Variants in FAM163A observed in about 807,000 individuals in gnomAD.
The protein encoded by FAM163A is family with sequence similarity 163 member A.
FAM163A carries 7 observed loss-of-function variants against 12.0 expected under a neutral mutation model. The ratio of observed to expected loss-of-function variants is 0.58; its 90% confidence interval spans 0.33 to 1.10. FAM163A has a LOEUF of 1.10. Ranked by LOEUF, FAM163A falls within the 50% of genes least tolerant of loss-of-function variation. The pLI, the probability that FAM163A is intolerant of heterozygous loss-of-function variation, is 0.03. For synonymous variants in FAM163A, 101 were observed against 91.0 expected (o/e 1.11, Z -0.62); for missense variants, 202 against 218.6 (o/e 0.92, Z 0.48).
At chr1:179,774,213 TC>T (rs1276920196) in intron 1 of FAM163A, among the ~76,000 whole-genome samples, 1 of 152,164 alleles carries the variant, frequency 6.6e-6, no homozygotes, top group African/African-American at 2.4e-5. Flanking sequence ...CCTGAGGCTT[TC>T]CCACAACAGC....
intron 2 of FAM163A, among the ~76,000 whole-genome samples, chr1:179,809,788 C>T (rs1694452026): frequency 6.6e-6 from 1 of 152,184 alleles, no homozygotes; most frequent in Non-Finnish European, 1.5e-5. Flanking sequence ...AAGCAGCCCT[C>T]AGCGACGAAT....
At chr1:179,812,849 G>A (rs1467141648) in intron 3 of FAM163A, among the ~76,000 whole-genome samples, 2 of 152,174 alleles carry the variant, frequency 1.3e-5, no homozygotes, top group Admixed American at 6.5e-5. Flanking sequence ...GGGAAAGATC[G>A]TGAGAACTTT....
chr1:179,728,446 G>A, the FAM163A span, among the ~76,000 whole-genome samples: 2 of 152,112 alleles, frequency 1.3e-5, no homozygotes, highest in African/African-American at 2.4e-5. Context: ...AGAGTGCTTT[G>A]GGGGTGCTGC....
Position 179,743,437 on chromosome 1 carries a change from G to C in FAM163A, c.-136+14G>C, listed in dbSNP as rs1349085637. 1 of 152,310 alleles carries C rather than the reference G, an allele frequency of 6.6e-6. No homozygotes were observed. Among genetic ancestry groups the C allele is most frequent in the Non-Finnish European group, 1.5e-5 (1 of 68,106 alleles). The allele number at this position is 152,310 out of a possible 1,614,324, so 9.4% of individuals were successfully genotyped here. On this transcript the variant is annotated intron_variant, in intron 1 of 4. Transcript: ENST00000341785. ...TGCTCAGCCGCGGTAACGGGTCGGG[G>C]CCTCATCGTGCAGGGGAGCGAGCGG...
chr1:179,783,731 TAATTGAGCCCAA>T (rs1256389263), intron 1 of FAM163A, among the ~76,000 whole-genome samples: 3,135 of 95,260 alleles, frequency 0.033, 148 homozygotes, highest in African/African-American at 0.17. Context: ...AAATTTTATA[TAATTGAGCCCAA>T]ATATTATATA....
At chr1:179,745,221 C>T (rs1036026329) in intron 1 of FAM163A, among the ~76,000 whole-genome samples, 2 of 152,066 alleles carry the variant, frequency 1.3e-5, no homozygotes, top group African/African-American at 4.8e-5. Flanking sequence ...AGCGGCCCTG[C>T]CAGGGCTAGA....
upstream of FAM163A, among the ~76,000 whole-genome samples, chr1:179,741,578 G>C (rs189470839): frequency 1.3e-5 from 2 of 152,278 alleles, no homozygotes; most frequent in Admixed American, 1.3e-4. Flanking sequence ...GTCCATACAA[G>C]GGAATATTAA....
At chr1:179,752,476 C>CAA (rs33926633) in intron 1 of FAM163A, among the ~76,000 whole-genome samples, 12 of 127,992 alleles carry the variant, frequency 9.4e-5, no homozygotes, top group Admixed American at 7.7e-5. Context: ...TTTGTACAGC[C>CAA]AAAAAAAAAA....
intron 1 of FAM163A, among the ~76,000 whole-genome samples, chr1:179,757,146 AGAT>A (rs201260439): frequency 0.25 from 37,837 of 151,896 alleles, 5,279 homozygotes; most frequent in East Asian, 0.62. Flanking sequence ...AGGAAAAGAG[AGAT>A]AGTTGGGATA....
At chr1:179,753,543 A>T (rs1274861384) in intron 1 of FAM163A, among the ~76,000 whole-genome samples, 5 of 152,174 alleles carry the variant, frequency 3.3e-5, no homozygotes, top group Admixed American at 6.5e-5. Flanking sequence ...GTTTCCTGAG[A>T]AAATGGGTGG....
At chr1:179,786,748 T>A (rs148216760) in intron 1 of FAM163A, among the ~76,000 whole-genome samples, 84 of 152,358 alleles carry the variant, frequency 5.5e-4, no homozygotes, top group Middle Eastern at 6.8e-3. Flanking sequence ...AATTCAGACC[T>A]CAGGACTCAA....
intron 1 of FAM163A, among the ~76,000 whole-genome samples, chr1:179,792,168 A>G (rs1427892105): frequency 6.6e-6 from 1 of 152,162 alleles, no homozygotes; most frequent in Non-Finnish European, 1.5e-5. Context: ...TGCCTCAGCT[A>G]GAGTGCAGTG....
intron 1 of FAM163A, among the ~76,000 whole-genome samples, chr1:179,744,618 GGGCCCT>G (rs1684184997): frequency 6.6e-6 from 1 of 152,176 alleles, no homozygotes; most frequent in South Asian, 2.1e-4. Context: ...TGGAACTGTG[GGGCCCT>G]GGAAGTTTGC....
At chr1:179,741,275 C>A (rs1176228568), upstream of FAM163A, among the ~76,000 whole-genome samples, 1 of 152,218 alleles carries the variant, frequency 6.6e-6, no homozygotes, top group African/African-American at 2.4e-5. Context: ...CATAAGAAGT[C>A]TAATAATATT....
At chr1:179,783,778 A>G (rs1690179713) in intron 1 of FAM163A, among the ~76,000 whole-genome samples, 1 of 145,184 alleles carries the variant, frequency 6.9e-6, no homozygotes, top group African/African-American at 2.5e-5. Flanking sequence ...TATTATATAT[A>G]TATTATATAA....
intron 4 of FAM163A, 116 bp from the exon 5 acceptor site, chr1:179,813,663 T>C (rs1695001443): frequency 1.6e-6 from 2 of 1,215,878 alleles, no homozygotes; most frequent in Admixed American, 2.2e-5. Flanking sequence ...TGGGGTTCAG[T>C]GCCTGGCACT....
intron 1 of FAM163A, among the ~76,000 whole-genome samples, chr1:179,781,002 A>G (rs1484803577): frequency 6.6e-6 from 1 of 152,142 alleles, no homozygotes; most frequent in Non-Finnish European, 1.5e-5. Flanking sequence ...AAAAGCATCT[A>G]ATGTGCTCCA....
intron 3 of FAM163A, 96 bp from the exon 4 acceptor site, chr1:179,812,980 C>T (rs1571610320): frequency 8.3e-7 from 1 of 1,198,022 alleles, no homozygotes; most frequent in South Asian, 1.4e-5. Flanking sequence ...CTCAGGCCCC[C>T]TGCCCCAGCC....
At chr1:179,796,323 G>GAA (rs1029694647) in intron 1 of FAM163A, among the ~76,000 whole-genome samples, 14 of 150,196 alleles carry the variant, frequency 9.3e-5, no homozygotes, top group African/African-American at 3.4e-4. Flanking sequence ...ACTCACAAAA[G>GAA]AAAAAAAAAG....
Sources: gnomAD v4.1 joint callset for allele counts (sites outside exome capture counted in the v4.1 genomes callset) on GRCh38, gnomAD v4.1.1 for gene constraint, MANE v1.5 for transcripts, NCBI Gene and HGNC (gene_info 2026-07-23, HGNC 2026-07-21) for gene names.